Variants in XPNPEP2 observed in about 807,000 individuals in gnomAD.
XPNPEP2 encodes X-prolyl aminopeptidase 2.
In XPNPEP2, 64 loss-of-function variants were observed where a neutral mutation model predicts 59.8. The ratio of observed to expected loss-of-function variants is 1.07; its 90% confidence interval spans 0.87 to 1.32. XPNPEP2 has a LOEUF of 1.32. Among genes scored for constraint, XPNPEP2 ranks in the 40% most tolerant of loss-of-function variants. The pLI, the probability that XPNPEP2 is intolerant of heterozygous loss-of-function variation, is 0.00. For missense variants in XPNPEP2, 575 were observed against 546.8 expected, an observed-to-expected ratio of 1.05 and a Z score of -0.51; for synonymous variants, 235 against 210.0, an observed-to-expected ratio of 1.12 and a Z score of -1.03.
At chrX:129,760,703 G>A in intron 16 of XPNPEP2, 122 bp downstream of exon 16, 1 of 737,522 alleles carries the variant, frequency 1.4e-6, no homozygotes, top group Non-Finnish European at 2.0e-6. Context: ...ATGTAGATGA[G>A]AAAATCCAGC....
rs934424738 is a variant in XPNPEP2 at position 129,754,468 on chromosome X, C to G, written c.1108-4C>G. On this transcript the variant is annotated splice_polypyrimidine_tract_variant and splice_region_variant and intron_variant, in intron 11 of 20. Transcript: ENST00000371106. ...CCTCTGTTTCCCTGCTTCCCCAACT[C>G]CAGGTGCGGGACGCTGTGGCTGTGA... The G allele has an allele frequency of 7.7e-6, 9 of 1,170,140 alleles. No individual in the cohort carries two copies. The highest frequency in any genetic ancestry group is 1.0e-5 in the Non-Finnish European group (9 of 876,326).
chrX:129,742,368 C>G (rs1379664662), intron 2 of XPNPEP2, among the ~76,000 whole-genome samples, 187 bp downstream of exon 2: 1 of 106,158 alleles, frequency 9.4e-6, no homozygotes, highest in Non-Finnish European at 1.9e-5. Flanking sequence ...TGGGCCCCTC[C>G]CCCCTCCACT....
At chrX:129,761,489 A>G (rs1401692710) in intron 17 of XPNPEP2, among the ~76,000 whole-genome samples, 1 of 111,732 alleles carries the variant, frequency 8.9e-6, no homozygotes, top group Non-Finnish European at 1.9e-5. Flanking sequence ...AAAGAGGGTC[A>G]AGCCCTAGTG....
chrX:129,756,369 T>C, intron 13 of XPNPEP2, 115 bp from the exon 14 acceptor site: 3 of 716,396 alleles, frequency 4.2e-6, no homozygotes, highest in Non-Finnish European at 6.6e-6. Flanking sequence ...TAGAATGACT[T>C]CCTCCAGAGG....
intron 19 of XPNPEP2, 43 bp from the exon 20 acceptor site, chrX:129,767,560 C>T (rs1186076131): frequency 6.9e-6 from 8 of 1,167,084 alleles, no homozygotes; most frequent in Non-Finnish European, 9.4e-6. Context: ...TCCTCCTCCT[C>T]CCTCACTGTC....
rs567053563 is a variant in XPNPEP2, at chrX:129,743,432, C to T, written c.124-529C>T. The stretch of plus-strand genomic sequence containing the variant: ...GTTGCCAGATAAAATACAGGACACC[C>T]AGTTACATTTGAATTTTAGATAACA... On this transcript the variant is annotated intron_variant, in intron 2 of 20. Transcript: ENST00000371106. Among the ~76,000 whole-genome samples, 10 of 112,501 alleles carry T rather than the reference C, an allele frequency of 8.9e-5. No homozygotes were observed. The South Asian group carries it at 2.9e-3, about 33-fold the overall frequency.
Position 129,742,113 on chromosome X carries a change from G to A in XPNPEP2, c.55G>A (p.Ala19Thr). Residue 19 changes from alanine (A) to threonine (T), a missense_variant, in exon 2 of 21, where the codon GCC becomes ACC. Ala to Thr is a moderately conservative substitution (Grantham distance 58). Coordinates refer to ENST00000371106, the MANE Select transcript of XPNPEP2 (RefSeq NM_003399.6). ...CPWLVLLCAC[A>T]WGHTKPVDLG... The stretch of plus-strand genomic sequence containing the variant: ...ATTTTTCTCCCGGCTTCTAGCTTGT[G>A]CCTGGGGCCACACAAAGCCAGTGGA... The A allele has an allele frequency of 3.3e-6, 4 of 1,210,369 alleles. No homozygotes were observed. Among genetic ancestry groups the A allele is most frequent in the Non-Finnish European group, 4.5e-6 (4 of 894,526 alleles).
At chrX:129,750,766 AG>A (rs1242651054) in intron 8 of XPNPEP2, among the ~76,000 whole-genome samples, 197 bp downstream of exon 8, 2 of 112,393 alleles carry the variant, frequency 1.8e-5, no homozygotes, top group African/African-American at 6.5e-5. Context: ...AAAGGACAAA[AG>A]GTAGCCCTGA....
chrX:129,762,837 G>A (rs1482866393), intron 19 of XPNPEP2, 67 bp downstream of exon 19: 63 of 973,768 alleles, frequency 6.5e-5, no homozygotes, highest in Non-Finnish European at 3.7e-5. Flanking sequence ...TGCATGGGAG[G>A]AAAGTGGGGA....
rs186740881 is a variant in XPNPEP2 at position 129,745,411 on chromosome X, C to T, written c.298+145C>T. On this transcript the variant is annotated intron_variant, in intron 4 of 20. Transcript: ENST00000371106. ...TTCTACTCTCTCTGTCTCCCTCCAC[C>T]ACCCCAAAACCATCAGATTCCCCAG... 320 of 622,734 alleles carry T rather than the reference C, an allele frequency of 5.1e-4. 1 individual carries two copies. In the African/African-American group the frequency reaches 5.7e-3, roughly 11 times the overall value. 51.3% of individuals were successfully genotyped at this position (622,734 alleles called of 1,213,427 possible). A position where few individuals can be genotyped will look rare whatever the true frequency, so the allele number is the denominator to read the frequency against.
At position 129,768,459 on chromosome X, in the gene XPNPEP2, C is replaced by A; in HGVS notation, c.1999C>A (p.Leu667Ile). The change falls in exon 21 of 21, where the codon CTT (leucine) becomes ATT (isoleucine). Residue 667 changes from leucine (L) to isoleucine (I), a missense_variant. Leu to Ile is a conservative substitution (Grantham distance 5). Coordinates refer to ENST00000371106, the MANE Select transcript of XPNPEP2 (RefSeq NM_003399.6). The part of the protein sequence containing the change: ...SWASVLVVST[L>I]AILGWSV ...GGCCTCTGTGTTAGTGGTCTCCACC[C>A]TTGCCATCCTTGGCTGGAGTGTCTA... 1 of 1,186,893 alleles carries A rather than the reference C, an allele frequency of 8.4e-7. No individual in the cohort carries two copies. Among genetic ancestry groups the A allele is most frequent in the Non-Finnish European group, 1.1e-6 (1 of 884,570 alleles).
At chrX:129,766,054 A>T (rs1049922397) in intron 19 of XPNPEP2, among the ~76,000 whole-genome samples, 2 of 111,290 alleles carry the variant, frequency 1.8e-5, no homozygotes, top group Non-Finnish European at 3.8e-5. Context: ...TGTTTTGCCT[A>T]TTTTTGTCTT....
chrX:129,752,756 T>A (rs149645602), intron 10 of XPNPEP2, among the ~76,000 whole-genome samples: 3 of 112,106 alleles, frequency 2.7e-5, no homozygotes, highest in Non-Finnish European at 5.6e-5. Flanking sequence ...AAGGAGATAG[T>A]GTATATGACT....
At chrX:129,754,707 G>A (rs1926485752) in intron 12 of XPNPEP2, 126 bp downstream of exon 12, 3 of 618,152 alleles carry the variant, frequency 4.9e-6, no homozygotes, top group Non-Finnish European at 7.4e-6. Context: ...CTGGGTGGGG[G>A]AGGGCTCTGG....
chrX:129,762,820 T>A (rs1188097627), intron 19 of XPNPEP2, 50 bp downstream of exon 19: 1 of 1,102,678 alleles, frequency 9.1e-7, no homozygotes, highest in Middle Eastern at 2.5e-4. Context: ...TGTCAGTGAC[T>A]TTGGGCTGCA....
At chrX:129,761,034 C>A (rs1408869049) in intron 16 of XPNPEP2, 138 bp from the exon 17 acceptor site, 3 of 524,210 alleles carry the variant, frequency 5.7e-6, no homozygotes, top group Non-Finnish European at 9.4e-6. Flanking sequence ...AACCCAACAT[C>A]ATTGCATCAG....
intron 6 of XPNPEP2, 141 bp from the exon 7 acceptor site, chrX:129,747,466 T>A (rs1200010526): frequency 2.6e-6 from 2 of 776,024 alleles, no homozygotes; most frequent in Non-Finnish European, 3.7e-6. Flanking sequence ...GGGTGGGGGG[T>A]GGGCAGGCTG....
chrX:129,749,107 TGAAAACATAATTGCAAGTGAAA>T (rs1926349820), intron 7 of XPNPEP2, among the ~76,000 whole-genome samples: 1 of 112,166 alleles, frequency 8.9e-6, no homozygotes, highest in Non-Finnish European at 1.9e-5. Flanking sequence ...TCCTGAACCT[TGAAAACATAATTGCAAGTGAAA>T]GAAGCCAGTC....
intron 8 of XPNPEP2, among the ~76,000 whole-genome samples, chrX:129,751,104 ACCCC>A (rs59658989): frequency 2.2e-5 from 1 of 44,888 alleles, no homozygotes; most frequent in African/African-American, 7.2e-5. Context: ...CCACTCCCCC[ACCCC>A]CCCCCCCCGG....
Sources: allele counts gnomAD v4.1 joint callset (sites outside exome capture counted in the v4.1 genomes callset), GRCh38; gene constraint gnomAD v4.1.1; transcripts MANE v1.5; gene names NCBI Gene and HGNC (gene_info 2026-07-23, HGNC 2026-07-21).